CAMK2D: variants seen among roughly 807,000 people sequenced by gnomAD.
CAMK2D encodes calcium/calmodulin-dependent protein kinase type II subunit delta.
In CAMK2D, 37 loss-of-function variants were observed where a neutral mutation model predicts 84.0. That is an observed-to-expected ratio of 0.44 (90% CI 0.34 to 0.58). The LOEUF (loss-of-function observed/expected upper bound fraction) is 0.58. CAMK2D is among the 20% of genes least tolerant of loss of function. The probability of loss-of-function intolerance (pLI) is 0.02; values close to 1 mark genes in which losing one functional copy is unlikely to be tolerated. For synonymous variants in CAMK2D, 202 were observed against 212.5 expected (o/e 0.95, Z 0.43); for missense variants, 448 against 652.5 (o/e 0.69, Z 3.41).
chr4:113,507,251 C>CT (rs35488611), intron 13 of CAMK2D, among the ~76,000 whole-genome samples: 2,400 of 145,434 alleles, frequency 0.017, 73 homozygotes, highest in African/African-American at 0.055. Context: ...CCACAAATGT[C>CT]TTTTTTTTTT....
At chr4:113,678,736 T>C (rs1220984188) in intron 2 of CAMK2D, among the ~76,000 whole-genome samples, 1 of 152,160 alleles carries the variant, frequency 6.6e-6, no homozygotes, top group Non-Finnish European at 1.5e-5. Context: ...TGTGGTTCTG[T>C]GATTCTTAAA....
intron 17 of CAMK2D, among the ~76,000 whole-genome samples, chr4:113,462,318 G>GTCTATCTA (rs1175189521): frequency 3.6e-5 from 4 of 112,508 alleles, no homozygotes; most frequent in East Asian, 2.2e-4. Context: ...CTGTCTGTCT[G>GTCTATCTA]TCTGTCTGTC....
chr4:113,625,669 C>A (rs115250618), intron 3 of CAMK2D, among the ~76,000 whole-genome samples: 1 of 151,962 alleles, frequency 6.6e-6, no homozygotes, highest in African/African-American at 2.4e-5. Flanking sequence ...GTGTGAGTAT[C>A]GGGGGTGTGA....
chr4:113,710,491 C>A (rs1030846677), intron 2 of CAMK2D, among the ~76,000 whole-genome samples: 5 of 152,146 alleles, frequency 3.3e-5, no homozygotes, highest in African/African-American at 1.2e-4. Flanking sequence ...CTACTGTTCA[C>A]AACACACAAC....
intron 4 of CAMK2D, among the ~76,000 whole-genome samples, chr4:113,596,016 T>A (rs578148174): frequency 9.2e-5 from 14 of 152,354 alleles, no homozygotes; most frequent in Non-Finnish European, 1.3e-4. Context: ...CTTTCAAAAT[T>A]GGAGTCAATC....
chr4:113,523,841 CT>C (rs147601101), intron 8 of CAMK2D, among the ~76,000 whole-genome samples: 25,898 of 151,264 alleles, frequency 0.17, 2,488 homozygotes, highest in African/African-American at 0.24. Flanking sequence ...TAAAACAGAT[CT>C]TTTTTTTTGT....
chr4:113,741,634 T>A (rs917108741), intron 2 of CAMK2D, among the ~76,000 whole-genome samples: 2 of 152,196 alleles, frequency 1.3e-5, no homozygotes, highest in Non-Finnish European at 2.9e-5. Context: ...ATTCTCCACA[T>A]GGCAGCCAGA....
chr4:113,712,754 T>C (rs1399539431), intron 2 of CAMK2D, among the ~76,000 whole-genome samples: 1 of 151,990 alleles, frequency 6.6e-6, no homozygotes, highest in African/African-American at 2.4e-5. Flanking sequence ...AATATTAAGA[T>C]TTCCCTATTT....
intron 2 of CAMK2D, among the ~76,000 whole-genome samples, chr4:113,750,852 A>C (rs57623845): frequency 0.21 from 31,950 of 151,920 alleles, 4,066 homozygotes; most frequent in African/African-American, 0.34. Flanking sequence ...TCTGTCTTTA[A>C]AAAAAATAAA....
At chr4:113,705,337 A>AAT (rs2099445153) in intron 2 of CAMK2D, among the ~76,000 whole-genome samples, 2 of 151,468 alleles carry the variant, frequency 1.3e-5, no homozygotes, top group African/African-American at 4.9e-5. Flanking sequence ...AAAAAAAAAA[A>AAT]AAAAAAGAAA....
chr4:113,590,946 T>A (rs1452520243), intron 4 of CAMK2D, among the ~76,000 whole-genome samples: 1 of 152,196 alleles, frequency 6.6e-6, no homozygotes, highest in Non-Finnish European at 1.5e-5. Context: ...TTTTGACTTA[T>A]TTAAAATGTG....
At chr4:113,737,810 T>G (rs2148878001) in intron 2 of CAMK2D, among the ~76,000 whole-genome samples, 1 of 152,164 alleles carries the variant, frequency 6.6e-6, no homozygotes, top group East Asian at 1.9e-4. Flanking sequence ...TTATTTATCA[T>G]AATAAAATTG....
chr4:113,455,038 A>G (rs1204626023), intron 20 of CAMK2D, among the ~76,000 whole-genome samples: 1 of 152,206 alleles, frequency 6.6e-6, no homozygotes, highest in African/African-American at 2.4e-5. Context: ...AGCTGGGAGC[A>G]CTATTTGTTA....
chr4:113,648,329 A>G (rs560927346), intron 3 of CAMK2D, among the ~76,000 whole-genome samples: 16 of 152,360 alleles, frequency 1.1e-4, no homozygotes, highest in Middle Eastern at 3.4e-3. Context: ...GCTCCTTAAA[A>G]GAAGTCAAAT....
intron 16 of CAMK2D, among the ~76,000 whole-genome samples, chr4:113,483,258 G>A (rs879755794): frequency 6.6e-6 from 1 of 152,190 alleles, no homozygotes; most frequent in South Asian, 2.1e-4. Flanking sequence ...TCAGCACACA[G>A]AAGGTGCTCA....
chr4:113,504,231 C>G (rs1403151612), intron 14 of CAMK2D, among the ~76,000 whole-genome samples: 1 of 152,106 alleles, frequency 6.6e-6, no homozygotes, highest in Non-Finnish European at 1.5e-5. Flanking sequence ...TTATGGAACT[C>G]AGCACTGAAT....
intron 2 of CAMK2D, among the ~76,000 whole-genome samples, chr4:113,722,468 A>G (rs947029116): frequency 1.6e-4 from 24 of 152,200 alleles, no homozygotes; most frequent in African/African-American, 2.4e-4. Context: ...ACAATGGAGT[A>G]GCTGACTGAG....
At chr4:113,740,487 G>T (rs2099590318) in intron 2 of CAMK2D, among the ~76,000 whole-genome samples, 1 of 151,976 alleles carries the variant, frequency 6.6e-6, no homozygotes, top group Non-Finnish European at 1.5e-5. Context: ...GGGAGAGGAG[G>T]AGAGGTAAGA....
chr4:113,548,524 T>C, intron 5 of CAMK2D: 2 of 549,384 alleles, frequency 3.6e-6, no homozygotes, highest in Non-Finnish European at 6.4e-6. Flanking sequence ...TGCATTATCA[T>C]TTCATCATTT....
Sources: gnomAD v4.1 joint callset for allele counts (sites outside exome capture counted in the v4.1 genomes callset) on GRCh38, gnomAD v4.1.1 for gene constraint, MANE v1.5 for transcripts, NCBI Gene and HGNC (gene_info 2026-07-23, HGNC 2026-07-21) for gene names.